RASAL2: variants seen among roughly 807,000 people sequenced by gnomAD.
RASAL2 encodes the protein RAS protein activator like 2, also known as ras GTPase-activating protein nGAP.
In RASAL2, 58 loss-of-function variants were observed where a neutral mutation model predicts 128.9. That is an observed-to-expected ratio of 0.45 (90% CI 0.36 to 0.56). The LOEUF (loss-of-function observed/expected upper bound fraction) is 0.56. RASAL2 is among the 20% of genes least tolerant of loss of function. The pLI is 0.00. For synonymous variants in RASAL2, 561 were observed against 580.8 expected (o/e 0.97, Z 0.49); for missense variants, 1,360 against 1,601.6 (o/e 0.85, Z 2.57).
At chr1:178,237,938 C>T (rs536817541) in intron 1 of RASAL2, among the ~76,000 whole-genome samples, 4 of 152,252 alleles carry the variant, frequency 2.6e-5, no homozygotes, top group Non-Finnish European at 5.9e-5. Flanking sequence ...TCTATGAATT[C>T]GATTCCCAAG....
intron 1 of RASAL2, among the ~76,000 whole-genome samples, chr1:178,102,468 C>T (rs767881422): frequency 6.6e-6 from 1 of 152,112 alleles, no homozygotes; most frequent in Non-Finnish European, 1.5e-5. Flanking sequence ...GGGATCCTTC[C>T]ACCTCAGCCT....
intron 5 of RASAL2, among the ~76,000 whole-genome samples, chr1:178,421,877 CT>C (rs993698522): frequency 9.3e-4 from 141 of 151,994 alleles, no homozygotes; most frequent in African/African-American, 3.4e-3. Flanking sequence ...TCTTTTATAC[CT>C]CTTTGTTTTA....
At chr1:178,102,717 G>A (rs568792932) in intron 1 of RASAL2, among the ~76,000 whole-genome samples, 3 of 151,958 alleles carry the variant, frequency 2.0e-5, no homozygotes, top group South Asian at 4.2e-4. Context: ...TTAAAAAATA[G>A]GTAATATATT....
At chr1:178,462,882 C>A (rs1190774200) in intron 14 of RASAL2, among the ~76,000 whole-genome samples, 3 of 152,130 alleles carry the variant, frequency 2.0e-5, no homozygotes, top group Admixed American at 2.0e-4. Flanking sequence ...TAACTATAAT[C>A]TGTAAATCGA....
intron 3 of RASAL2, among the ~76,000 whole-genome samples, chr1:178,386,086 A>G (rs1672551480): frequency 6.6e-6 from 1 of 152,176 alleles, no homozygotes; most frequent in Non-Finnish European, 1.5e-5. Context: ...CAGTGTATAC[A>G]CTATTAGGTT....
chr1:178,261,534 TAAAGA>T (rs142270949), intron 1 of RASAL2, among the ~76,000 whole-genome samples: 2,102 of 152,244 alleles, frequency 0.014, 52 homozygotes, highest in African/African-American at 0.047. Context: ...GAATAGTAAG[TAAAGA>T]AAAGTAACTT....
rs748235547 is a variant in RASAL2, at chr1:178,094,472, C to A, written c.-21C>A. On this transcript the variant is annotated 5_prime_UTR_variant, in exon 1 of 18. Transcript: ENST00000367649. ...CCCGCCCCGAAGCCGCCGCCTCGTC[C>A]CCCTCCCGCCTCGGGGCACCATGGA... is the stretch of plus-strand genomic sequence containing the variant. The A allele has an allele frequency of 1.3e-6, 2 of 1,532,816 alleles. No homozygotes were observed. Among genetic ancestry groups the A allele is most frequent in the Non-Finnish European group, 1.8e-6 (2 of 1,139,996 alleles). The allele number at this position is 1,532,816 out of a possible 1,614,324, so 95.0% of individuals were successfully genotyped here.
At chr1:178,331,664 G>T (rs1669320207) in intron 3 of RASAL2, among the ~76,000 whole-genome samples, 1 of 139,820 alleles carries the variant, frequency 7.2e-6, no homozygotes, top group Non-Finnish European at 1.5e-5. Flanking sequence ...TCGGCTCACT[G>T]CAACCTCCGC....
intron 1 of RASAL2, among the ~76,000 whole-genome samples, chr1:178,219,924 T>C (rs1197232758): frequency 1.3e-5 from 2 of 152,108 alleles, no homozygotes; most frequent in Non-Finnish European, 2.9e-5. Context: ...GTCTGACTAA[T>C]AGGGGCGGGT....
In RASAL2 at chr1:178,094,452, C is replaced by T. The variant is rs1376384545; in HGVS notation, c.-41C>T. 29 of 1,501,526 alleles carry T rather than the reference C, an allele frequency of 1.9e-5. No individual in the cohort carries two copies. The highest frequency in any genetic ancestry group is 2.5e-5 in the Non-Finnish European group (28 of 1,126,366). The allele number at this position is 1,501,526 out of a possible 1,614,324, so 93.0% of individuals were successfully genotyped here. A position where few individuals can be genotyped will look rare whatever the true frequency, so the allele number is the denominator to read the frequency against. On this transcript the variant is annotated 5_prime_UTR_variant, in exon 1 of 18. Coordinates refer to ENST00000367649, the MANE Select transcript of RASAL2 (RefSeq NM_170692.4). ...GGCGCGGAGCCGCGCGCCAGCCCGC[C>T]CCGAAGCCGCCGCCTCGTCCCCCTC... is the stretch of plus-strand genomic sequence containing the variant.
intron 1 of RASAL2, among the ~76,000 whole-genome samples, chr1:178,138,586 T>C (rs1353066605): frequency 6.6e-6 from 1 of 152,164 alleles, no homozygotes. Flanking sequence ...TAAAATGGTA[T>C]GAAAATGCCC....
At chr1:178,435,313 G>A (rs115291683) in intron 5 of RASAL2, among the ~76,000 whole-genome samples, 146 of 152,190 alleles carry the variant, frequency 9.6e-4, no homozygotes, top group African/African-American at 3.4e-3. Context: ...CTGAAAAATT[G>A]GCCAGTTAAG....
rs1375628455 is a variant in RASAL2, at chr1:178,094,447, C to T, written c.-46C>T. Reference sequence around the variant, plus strand: ...GGCAGGGCGCGGAGCCGCGCGCCAGCCCGCCCCGAAGCCGCCGCCTCGTCC... The same window carrying T: ...GGCAGGGCGCGGAGCCGCGCGCCAGTCCGCCCCGAAGCCGCCGCCTCGTCC... On this transcript the variant is annotated 5_prime_UTR_variant, in exon 1 of 18. Transcript: ENST00000367649. The T allele has an allele frequency of 2.7e-6, 4 of 1,487,476 alleles. No individual in the cohort carries two copies. In the African/African-American group the frequency reaches 5.6e-5, roughly 21 times the overall value. 92.1% of individuals were successfully genotyped at this position (1,487,476 alleles called of 1,614,324 possible).
intron 1 of RASAL2, among the ~76,000 whole-genome samples, chr1:178,104,059 C>T (rs1321137617): frequency 6.6e-6 from 1 of 151,774 alleles, no homozygotes; most frequent in Non-Finnish European, 1.5e-5. Context: ...AGTGGGCTTT[C>T]CTGTTCTGAG....
chr1:178,338,774 A>G (rs1031269504), intron 3 of RASAL2, among the ~76,000 whole-genome samples: 6 of 152,220 alleles, frequency 3.9e-5, no homozygotes, highest in African/African-American at 1.4e-4. Flanking sequence ...ATAGCAGCGA[A>G]CAAGGCAGTT....
chr1:178,417,160 G>A (rs923026863), intron 4 of RASAL2, among the ~76,000 whole-genome samples: 2 of 151,920 alleles, frequency 1.3e-5, no homozygotes, highest in African/African-American at 2.4e-5. Context: ...TAGTTGTCCT[G>A]TAGTCTTTGG....
At chr1:178,156,014 G>T (rs1661072366) in intron 1 of RASAL2, among the ~76,000 whole-genome samples, 1 of 152,060 alleles carries the variant, frequency 6.6e-6, no homozygotes, top group Non-Finnish European at 1.5e-5. Context: ...ATGATTACTA[G>T]GTATTTAGTT....
chr1:178,470,743 G>A (rs753928940), intron 17 of RASAL2: 24 of 1,363,866 alleles, frequency 1.8e-5, no homozygotes, highest in South Asian at 5.7e-5. Flanking sequence ...CCCCGCGTCC[G>A]TTCTCTAGCT....
chr1:178,192,482 A>G (rs879324743), intron 1 of RASAL2, among the ~76,000 whole-genome samples: 1 of 152,212 alleles, frequency 6.6e-6, no homozygotes, highest in Admixed American at 6.5e-5. Context: ...CTTCTGAGGC[A>G]GTCTATGGAT....
Sources: allele counts gnomAD v4.1 joint callset (sites outside exome capture counted in the v4.1 genomes callset), GRCh38; gene constraint gnomAD v4.1.1; transcripts MANE v1.5; gene names NCBI Gene and HGNC (gene_info 2026-07-23, HGNC 2026-07-21).